TCF7L1: variants seen among roughly 807,000 people sequenced by gnomAD.
TCF7L1 encodes transcription factor 7-like 1.
A neutral mutation model predicts 63.7 loss-of-function variants in TCF7L1; 18 were observed. The ratio of observed to expected loss-of-function variants is 0.28; its 90% CI spans 0.20 to 0.42. TCF7L1 has a LOEUF of 0.42. Ranked by LOEUF, TCF7L1 falls within the 10% of genes least tolerant of loss-of-function variation. The pLI, the probability that TCF7L1 is intolerant of heterozygous loss-of-function variation, is 1.00. For missense variants in TCF7L1, 654 were observed against 779.3 expected, an observed-to-expected ratio of 0.84 and a Z score of 1.91; for synonymous variants, 355 against 340.9, an observed-to-expected ratio of 1.04 and a Z score of -0.46.
chr2:85,291,993 ATTTTTTTTTTTTTTTTTTTTTTTT>A (rs1167747216), intron 4 of TCF7L1, among the ~76,000 whole-genome samples: 5 of 13,830 alleles, frequency 3.6e-4, no homozygotes, highest in Admixed American at 1.0e-3. Flanking sequence ...GGTCATATGT[ATTTTTTTTTTTTTTTTTTTTTTTT>A]TTTTTTTTTT....
At chr2:85,197,178 A>G (rs1001156515) in intron 3 of TCF7L1, among the ~76,000 whole-genome samples, 2 of 152,174 alleles carry the variant, frequency 1.3e-5, no homozygotes, top group Non-Finnish European at 2.9e-5. Flanking sequence ...TGCAGGGCCG[A>G]GGAAGGTAGA....
chr2:85,265,369 T>G (rs986592664), intron 3 of TCF7L1, among the ~76,000 whole-genome samples: 11 of 151,990 alleles, frequency 7.2e-5, no homozygotes, highest in African/African-American at 2.7e-4. Context: ...CAGGAATCAG[T>G]GTTTTTAAAG....
chr2:85,184,368 C>T (rs7606013), intron 3 of TCF7L1, among the ~76,000 whole-genome samples: 3 of 152,042 alleles, frequency 2.0e-5, no homozygotes, highest in Admixed American at 6.6e-5. Flanking sequence ...AGGCAGTGTT[C>T]GGGAAAGTGG....
At chr2:85,252,130 G>A (rs1680605310) in intron 3 of TCF7L1, among the ~76,000 whole-genome samples, 2 of 152,160 alleles carry the variant, frequency 1.3e-5, no homozygotes, top group Non-Finnish European at 2.9e-5. Context: ...TGCATTGGGT[G>A]GTACAGTGAC....
intron 3 of TCF7L1, among the ~76,000 whole-genome samples, chr2:85,138,450 C>G (rs896645249): frequency 2.6e-5 from 4 of 152,134 alleles, no homozygotes; most frequent in African/African-American, 9.7e-5. Flanking sequence ...AAACATGCTG[C>G]TTTTGGTAAA....
chr2:85,215,214 T>A (rs1679672281), intron 3 of TCF7L1, among the ~76,000 whole-genome samples: 1 of 152,230 alleles, frequency 6.6e-6, no homozygotes, highest in Non-Finnish European at 1.5e-5. Context: ...CTTTGTGAAT[T>A]GGGTGAACTC....
intron 3 of TCF7L1, among the ~76,000 whole-genome samples, chr2:85,165,671 G>A (rs1172678525): frequency 6.6e-6 from 1 of 152,158 alleles, no homozygotes; most frequent in African/African-American, 2.4e-5. Flanking sequence ...CCAGATCATG[G>A]GCCCTGGTTG....
At position 85,150,328 on chromosome 2, in the gene TCF7L1, G is replaced by C. The variant is rs557898610; in HGVS notation, c.441+15878G>C. The stretch of plus-strand genomic sequence containing the variant: ...AGCTCACTGCAACCTCCACCTCCCG[G>C]GTTCACGCCGTTCTCCTGCCTCAGC... On this transcript the variant is annotated intron_variant, in intron 3 of 11. Transcript: ENST00000282111. 7.9e-5 allele frequency among the ~76,000 whole-genome samples: 12 copies of C among 151,990 alleles called. No individual in the cohort carries two copies. The South Asian group carries it at 2.5e-3, about 32-fold the overall frequency.
chr2:85,241,437 GT>G (rs772334481), intron 3 of TCF7L1, among the ~76,000 whole-genome samples: 1,420 of 83,036 alleles, frequency 0.017, 48 homozygotes, highest in African/African-American at 0.045. Flanking sequence ...CTTTGTTTTT[GT>G]TTTTTTTTTT....
chr2:85,208,051 C>G (rs751755366), intron 3 of TCF7L1, among the ~76,000 whole-genome samples: 1 of 152,002 alleles, frequency 6.6e-6, no homozygotes, highest in African/African-American at 2.4e-5. Context: ...GGACTACAGG[C>G]GCCCGCCACC....
At chr2:85,237,693 T>C (rs1680225300) in intron 3 of TCF7L1, among the ~76,000 whole-genome samples, 1 of 135,552 alleles carries the variant, frequency 7.4e-6, no homozygotes, top group African/African-American at 2.7e-5. Context: ...CTCTTCATTC[T>C]GCAGCTGTGT....
chr2:85,260,519 T>G (rs1383563941), intron 3 of TCF7L1, among the ~76,000 whole-genome samples: 1 of 151,922 alleles, frequency 6.6e-6, no homozygotes, highest in South Asian at 2.1e-4. Context: ...TGCGTGCATG[T>G]AGTCCCAGCT....
chr2:85,143,466 C>T (rs956343584), intron 3 of TCF7L1, among the ~76,000 whole-genome samples: 1 of 152,188 alleles, frequency 6.6e-6, no homozygotes, highest in African/African-American at 2.4e-5. Context: ...AGCTCCACCC[C>T]ATTTGGAAAG....
chr2:85,233,342 A>G (rs1573002280), intron 3 of TCF7L1, among the ~76,000 whole-genome samples: 2 of 140,144 alleles, frequency 1.4e-5, no homozygotes, highest in East Asian at 2.1e-4. Context: ...TTTTAGATGG[A>G]GTCTCGCTCT....
chr2:85,180,046 C>T (rs1313468503), intron 3 of TCF7L1, among the ~76,000 whole-genome samples: 1 of 151,816 alleles, frequency 6.6e-6, no homozygotes, highest in African/African-American at 2.4e-5. Flanking sequence ...CTGCCCAGGA[C>T]GTGGCTTAGC....
chr2:85,228,767 G>A (rs1680009025), intron 3 of TCF7L1, among the ~76,000 whole-genome samples: 1 of 151,916 alleles, frequency 6.6e-6, no homozygotes, highest in African/African-American at 2.4e-5. Flanking sequence ...TGTAATCCCA[G>A]CACTTTGGGA....
chr2:85,207,819 T>C (rs1679445444), intron 3 of TCF7L1, among the ~76,000 whole-genome samples: 1 of 152,200 alleles, frequency 6.6e-6, no homozygotes, highest in African/African-American at 2.4e-5. Flanking sequence ...TTAGGTGTTT[T>C]TGCCCAACTG....
At chr2:85,305,237 A>G in intron 7 of TCF7L1, 23 bp from the exon 8 acceptor site, 1 of 1,613,784 alleles carries the variant, frequency 6.2e-7, no homozygotes, top group African/African-American at 1.3e-5. Flanking sequence ...CTCTGTTGCC[A>G]TTTGTTTCTA....
chr2:85,275,231 G>A (rs901710919), intron 3 of TCF7L1, among the ~76,000 whole-genome samples: 2 of 152,170 alleles, frequency 1.3e-5, no homozygotes, highest in East Asian at 1.9e-4. Flanking sequence ...AAGATGAGAC[G>A]ATGGAGTCCA....
Sources: gnomAD v4.1 joint callset for allele counts (sites outside exome capture counted in the v4.1 genomes callset) on GRCh38, gnomAD v4.1.1 for gene constraint, MANE v1.5 for transcripts, NCBI Gene and HGNC (gene_info 2026-07-23, HGNC 2026-07-21) for gene names.